SMARCC1: variants seen among roughly 807,000 people sequenced by gnomAD.
SMARCC1 encodes SWI/SNF related BAF chromatin remodeling complex subunit C1.
Under a neutral mutation model 147.4 loss-of-function variants are expected in SMARCC1, and 43 were observed. That is an observed-to-expected ratio of 0.29 (90% CI 0.23 to 0.38). The LOEUF is 0.38. Ranked by LOEUF, SMARCC1 falls within the 10% of genes least tolerant of loss-of-function variation. The probability of loss-of-function intolerance (pLI) is 1.00; values close to 1 mark genes in which losing one functional copy is unlikely to be tolerated. For synonymous variants in SMARCC1, 495 were observed against 484.4 expected (o/e 1.02, Z -0.29); for missense variants, 1,119 against 1,381.1 (o/e 0.81, Z 3.01).
intron 26 of SMARCC1, among the ~76,000 whole-genome samples, chr3:47,595,696 T>G (rs2032264317): frequency 6.6e-6 from 1 of 152,004 alleles, no homozygotes; most frequent in South Asian, 2.1e-4. Flanking sequence ...CTTACTATCT[T>G]TCATCTGTAT....
At chr3:47,613,449 T>A (rs1489107347) in intron 25 of SMARCC1, among the ~76,000 whole-genome samples, 1 of 151,142 alleles carries the variant, frequency 6.6e-6, no homozygotes, top group Non-Finnish European at 1.5e-5. Context: ...AGTGGTCGCC[T>A]TCCGGGTTCA....
Position 47,720,710 on chromosome 3 carries a change from T to C in SMARCC1, c.672A>G (p.Arg224=), listed in dbSNP as rs2034222490. ...DDEEWLRPVM[R]KEKQVLVHWG... is the part of the protein sequence containing the mutation. The stretch of plus-strand genomic sequence containing the variant: ...AATGCACTAACACTTGCTTCTCTTT[T>C]CTCATCACCGGTCTCAACCATTCTT... The change falls in exon 7 of 28, where the codon AGA becomes AGG. Residue 224 remains arginine, a synonymous_variant. Transcript: ENST00000254480. 3 of 1,612,954 alleles carry C rather than the reference T, an allele frequency of 1.9e-6. No individual in the cohort carries two copies. In the Admixed American group the frequency reaches 5.0e-5, roughly 27 times the overall value.
At chr3:47,756,020 A>T (rs1390012846) in intron 2 of SMARCC1, among the ~76,000 whole-genome samples, 1 of 100,776 alleles carries the variant, frequency 9.9e-6, no homozygotes, top group Non-Finnish European at 2.0e-5. Flanking sequence ...AAAAAAAAAA[A>T]GGCTGGGCGT....
At chr3:47,754,399 C>T (rs1019516087) in intron 2 of SMARCC1, among the ~76,000 whole-genome samples, 1 of 152,012 alleles carries the variant, frequency 6.6e-6, no homozygotes, top group African/African-American at 2.4e-5. Flanking sequence ...GACAGGGTTT[C>T]ACCATGTTGG....
intron 13 of SMARCC1, among the ~76,000 whole-genome samples, chr3:47,687,336 G>A (rs1050583377): frequency 1.3e-5 from 2 of 152,046 alleles, no homozygotes; most frequent in African/African-American, 4.8e-5. Flanking sequence ...ATATTTTTGT[G>A]TTACAGACTT....
At chr3:47,697,314 T>TC (rs1490268703) in intron 11 of SMARCC1, among the ~76,000 whole-genome samples, 1 of 151,416 alleles carries the variant, frequency 6.6e-6, no homozygotes, top group African/African-American at 2.4e-5. Flanking sequence ...TTTTTTTTTT[T>TC]TTTTTAGATG....
rs1460846100 is a variant in SMARCC1 at position 47,586,994 on chromosome 3, T to C, written c.*1215A>G. On this transcript the variant is annotated 3_prime_UTR_variant, in exon 28 of 28. Coordinates refer to ENST00000254480, the MANE Select transcript of SMARCC1 (RefSeq NM_003074.4). ...TCTGACTGCCAAGTGAGTTCCTTGT[T>C]ACCCTCAGCATCTCTTTGAAAACCC... is the stretch of plus-strand genomic sequence containing the variant. The C allele has an allele frequency of 6.6e-6, 1 of 152,618 alleles. No homozygotes were observed. Among genetic ancestry groups the C allele is most frequent in the Admixed American group, 6.5e-5 (1 of 15,276 alleles). The allele number at this position is 152,618 out of a possible 1,614,324, so 9.5% of individuals were successfully genotyped here.
intron 2 of SMARCC1, among the ~76,000 whole-genome samples, chr3:47,751,464 C>T (rs971621596): frequency 1.3e-5 from 2 of 152,020 alleles, no homozygotes; most frequent in African/African-American, 4.8e-5. Flanking sequence ...TCGCTTGAAC[C>T]CAGGAGGCGG....
At chr3:47,671,196 A>AAACAAAAAC (rs1553682000) in intron 18 of SMARCC1, among the ~76,000 whole-genome samples, 1 of 81,144 alleles carries the variant, frequency 1.2e-5, no homozygotes, top group Non-Finnish European at 2.4e-5. Context: ...AAAAAAAAAA[A>AAACAAAAAC]AACACACACA....
intron 10 of SMARCC1, among the ~76,000 whole-genome samples, chr3:47,703,254 A>C (rs1241580594): frequency 6.6e-6 from 1 of 152,156 alleles, no homozygotes; most frequent in Non-Finnish European, 1.5e-5. Context: ...TTTTAATGCT[A>C]AGCCGGGCAT....
Position 47,589,330 on chromosome 3 carries a change from A to G in SMARCC1, c.3221-1024T>C, listed in dbSNP as rs751085134. Among the ~76,000 whole-genome samples, 5 of 152,310 alleles carry G rather than the reference A, an allele frequency of 3.3e-5. No individual in the cohort carries two copies. In the South Asian group the frequency reaches 1.0e-3, roughly 32 times the overall value. ...CCTGAAACCCTCCACATTCTCAAGG[A>G]GCTCTACTGAGGTCCCTTTGGGAAG... On this transcript the variant is annotated intron_variant, in intron 27 of 27. Transcript: ENST00000254480.
intron 12 of SMARCC1, among the ~76,000 whole-genome samples, chr3:47,691,997 T>C (rs908759846): frequency 1.3e-5 from 2 of 152,126 alleles, no homozygotes; most frequent in African/African-American, 4.8e-5. Flanking sequence ...AGGCTCCGTC[T>C]CAAAAAATAA....
At chr3:47,741,430 C>T (rs1219139073) in intron 3 of SMARCC1, among the ~76,000 whole-genome samples, 1 of 81,174 alleles carries the variant, frequency 1.2e-5, no homozygotes, top group Non-Finnish European at 3.1e-5. Flanking sequence ...TTTCTAAAAT[C>T]CTATTTGAGA....
chr3:47,633,938 A>G (rs1036554935), intron 24 of SMARCC1, among the ~76,000 whole-genome samples: 4 of 151,940 alleles, frequency 2.6e-5, no homozygotes, highest in African/African-American at 7.3e-5. Flanking sequence ...CAAACACTCC[A>G]GGGTAGCAGA....
intron 26 of SMARCC1, among the ~76,000 whole-genome samples, chr3:47,601,337 G>A (rs999042973): frequency 5.3e-5 from 8 of 152,180 alleles, no homozygotes; most frequent in African/African-American, 1.9e-4. Context: ...GGAAAAGAAA[G>A]TGAATCTAGG....
At chr3:47,676,603 C>A (rs1202009375) in intron 17 of SMARCC1, 26 bp downstream of exon 17, 1 of 1,600,108 alleles carries the variant, frequency 6.2e-7, no homozygotes, top group African/African-American at 1.3e-5. Context: ...CTATCCAGGT[C>A]TGATGAAAAG....
intron 24 of SMARCC1, among the ~76,000 whole-genome samples, chr3:47,630,800 C>T (rs2032876833): frequency 6.6e-6 from 1 of 152,204 alleles, no homozygotes; most frequent in Non-Finnish European, 1.5e-5. Context: ...CAGTGGCTGA[C>T]ACCGGTAATC....
intron 11 of SMARCC1, among the ~76,000 whole-genome samples, chr3:47,697,937 G>C (rs926199310): frequency 3.0e-5 from 4 of 134,546 alleles, no homozygotes; most frequent in Non-Finnish European, 6.2e-5. Context: ...GAACCTGGGA[G>C]GTAAAGCGTG....
chr3:47,713,249 T>C (rs1053369537), intron 8 of SMARCC1, among the ~76,000 whole-genome samples: 1 of 151,242 alleles, frequency 6.6e-6, no homozygotes, highest in African/African-American at 2.4e-5. Context: ...ACCCGGGAGG[T>C]GGAGCTTGCC....
Sources: allele counts gnomAD v4.1 joint callset (sites outside exome capture counted in the v4.1 genomes callset), GRCh38; gene constraint gnomAD v4.1.1; transcripts MANE v1.5; gene names NCBI Gene and HGNC (gene_info 2026-07-23, HGNC 2026-07-21).